WWOX: variants seen among roughly 807,000 people sequenced by gnomAD.
The protein encoded by WWOX is WW domain-containing oxidoreductase.
A neutral mutation model predicts 46.2 loss-of-function variants in WWOX; 69 were observed. The observed-to-expected ratio is 1.49, with a 90% CI of 1.23 to 1.82. The LOEUF (loss-of-function observed/expected upper bound fraction) is 1.82. Ranked by LOEUF, WWOX falls within the 40% of genes most tolerant of loss-of-function variation. WWOX has a pLI of 0.00. For synonymous variants in WWOX, 359 were observed against 202.6 expected (o/e 1.77, Z -6.56); for missense variants, 919 against 542.6 (o/e 1.69, Z -6.89).
At chr16:78,112,117 CA>C (rs1156516717) in intron 3 of WWOX, 1 of 152,232 alleles carries the variant, frequency 6.6e-6, no homozygotes, top group African/African-American at 2.4e-5. Flanking sequence ...CGTCTCTGCA[CA>C]CGGGGAGAAC....
chr16:78,535,514 T>C (rs532990807), intron 8 of WWOX: 16 of 152,080 alleles, frequency 1.1e-4, no homozygotes, highest in Non-Finnish European at 1.6e-4. Context: ...TACCTTGAAG[T>C]AGAGGGAAAG....
chr16:78,496,744 T>C (rs992116314), intron 8 of WWOX, among the ~76,000 whole-genome samples: 4 of 152,240 alleles, frequency 2.6e-5, no homozygotes, highest in African/African-American at 9.6e-5. Flanking sequence ...ATTAGCTTTC[T>C]TACTGTGTGT....
At chr16:78,509,419 A>G (rs2085301081) in intron 8 of WWOX, among the ~76,000 whole-genome samples, 1 of 145,288 alleles carries the variant, frequency 6.9e-6, no homozygotes, top group African/African-American at 2.5e-5. Context: ...AGCATTGGTG[A>G]CAGAGCGAGA....
intron 5 of WWOX, among the ~76,000 whole-genome samples, chr16:78,175,563 C>T (rs551001410): frequency 6.6e-6 from 1 of 152,114 alleles, no homozygotes; most frequent in Non-Finnish European, 1.5e-5. Flanking sequence ...CTCAAGCAGA[C>T]CTGAGGTGAG....
chr16:79,171,714 C>G (rs1166449237), intron 8 of WWOX, among the ~76,000 whole-genome samples: 3 of 152,112 alleles, frequency 2.0e-5, no homozygotes, highest in African/African-American at 4.8e-5. Context: ...AGCAGATGTT[C>G]TTTCTTCATT....
At chr16:78,622,886 A>G (rs886638567) in intron 8 of WWOX, among the ~76,000 whole-genome samples, 1 of 152,184 alleles carries the variant, frequency 6.6e-6, no homozygotes, top group African/African-American at 2.4e-5. Context: ...AAGAGGAGCT[A>G]AAATAAGAGA....
At chr16:78,456,722 G>A (rs2083826665) in intron 8 of WWOX, among the ~76,000 whole-genome samples, 1 of 152,188 alleles carries the variant, frequency 6.6e-6, no homozygotes, top group African/African-American at 2.4e-5. Flanking sequence ...AAGAGAAAAG[G>A]TAGAATATCC....
chr16:78,308,784 A>G (rs1328247031), intron 5 of WWOX, among the ~76,000 whole-genome samples: 1 of 152,124 alleles, frequency 6.6e-6, no homozygotes. Context: ...CTTTTTGTGG[A>G]CTTATCTTAA....
intron 8 of WWOX, among the ~76,000 whole-genome samples, chr16:78,748,788 C>G (rs1182532313): frequency 1.3e-5 from 2 of 152,236 alleles, no homozygotes; most frequent in East Asian, 3.8e-4. Context: ...CTGCATGCGT[C>G]TTGCCCTCTG....
chr16:78,163,568 T>G (rs2034867919), intron 4 of WWOX, among the ~76,000 whole-genome samples: 1 of 152,208 alleles, frequency 6.6e-6, no homozygotes, highest in Non-Finnish European at 1.5e-5. Flanking sequence ...GCCTTGCAGT[T>G]TTTGCAGATC....
At chr16:78,167,157 A>G (rs1417657649) in intron 5 of WWOX, 1 of 152,190 alleles carries the variant, frequency 6.6e-6, no homozygotes. Context: ...AGAACACAAT[A>G]TATATGAGAA....
intron 5 of WWOX, among the ~76,000 whole-genome samples, chr16:78,311,554 G>T (rs943541289): frequency 6.6e-6 from 1 of 152,150 alleles, no homozygotes; most frequent in African/African-American, 2.4e-5. Context: ...TGGCAATGCC[G>T]TAACAGTGAG....
intron 8 of WWOX, among the ~76,000 whole-genome samples, chr16:79,024,540 TCTC>T (rs1160646694): frequency 1.3e-5 from 2 of 152,092 alleles, no homozygotes; most frequent in South Asian, 2.1e-4. Flanking sequence ...TTCACGCCAT[TCTC>T]CTGCCTCAGC....
chr16:79,191,047 T>G (rs938534216), intron 8 of WWOX, among the ~76,000 whole-genome samples: 1 of 151,044 alleles, frequency 6.6e-6, no homozygotes, highest in African/African-American at 2.4e-5. Context: ...TTTTTTTTGT[T>G]GTTTGTTTGT....
rs573381598 is a variant in WWOX, at chr16:79,088,435, C to T, written c.1057-123173C>T. Among the ~76,000 whole-genome samples, 7 of 152,260 alleles carry T rather than the reference C, an allele frequency of 4.6e-5. No individual in the cohort carries two copies. The East Asian group carries it at 5.8e-4, about 13-fold the overall frequency. ...GAACACCGTAGGTCTGGCCCTGAGC[C>T]GTGGGCAGCCTGATGAGCACAGGTG... is the stretch of plus-strand genomic sequence containing the variant. On this transcript the variant is annotated intron_variant, in intron 8 of 8. Coordinates refer to ENST00000566780, the MANE Select transcript of WWOX (RefSeq NM_016373.4).
At chr16:78,959,423 A>G (rs2046231029) in intron 8 of WWOX, among the ~76,000 whole-genome samples, 1 of 152,228 alleles carries the variant, frequency 6.6e-6, no homozygotes, top group African/African-American at 2.4e-5. Flanking sequence ...AACATTTGAA[A>G]AGATAACACT....
intron 4 of WWOX, chr16:78,129,923 C>A (rs547958660): frequency 6.6e-6 from 1 of 152,044 alleles, no homozygotes; most frequent in Non-Finnish European, 1.5e-5. Flanking sequence ...ACTATAGTTC[C>A]CATGATCCCC....
chr16:78,267,363 A>G (rs914844856), intron 5 of WWOX, among the ~76,000 whole-genome samples: 2 of 152,254 alleles, frequency 1.3e-5, no homozygotes, highest in Non-Finnish European at 2.9e-5. Flanking sequence ...TTTTATAATT[A>G]AGAAATAAAA....
At chr16:78,968,792 A>G (rs1479872587) in intron 8 of WWOX, among the ~76,000 whole-genome samples, 1 of 152,086 alleles carries the variant, frequency 6.6e-6, no homozygotes, top group Non-Finnish European at 1.5e-5. Context: ...GATAGCACAG[A>G]TTGTTTCATT....
Sources: allele counts gnomAD v4.1 joint callset (sites outside exome capture counted in the v4.1 genomes callset), GRCh38; gene constraint gnomAD v4.1.1; transcripts MANE v1.5; gene names NCBI Gene and HGNC (gene_info 2026-07-23, HGNC 2026-07-21).